NCOA3: variants seen among roughly 807,000 people sequenced by gnomAD.
NCOA3 encodes nuclear receptor coactivator 3.
NCOA3 carries 51 observed loss-of-function variants against 158.8 expected under a neutral mutation model. The observed-to-expected ratio is 0.32, with a 90% CI of 0.26 to 0.41. The LOEUF (loss-of-function observed/expected upper bound fraction) is 0.41, where lower values mean the gene tolerates loss of function less well. Ranked by LOEUF, NCOA3 falls within the 10% of genes least tolerant of loss-of-function variation. The probability of loss-of-function intolerance (pLI) is 1.00; values close to 1 mark genes in which losing one functional copy is unlikely to be tolerated. For synonymous variants in NCOA3, 537 were observed against 592.4 expected (o/e 0.91, Z 1.36); for missense variants, 1,510 against 1,746.6 (o/e 0.86, Z 2.41).
rs72662715 is a variant in NCOA3 at position 47,574,340 on chromosome 20, G to C, written c.-98-8843G>C. Among the ~76,000 whole-genome samples the C allele has an allele frequency of 3.8e-3, 560 of 148,770 alleles. 5 individuals are homozygous for C. Among genetic ancestry groups the C allele is most frequent in the African/African-American group, 0.013 (532 of 40,380 alleles). Reference sequence around the variant, plus strand: ...CGTGTAGATTTCCTGACTATACCTGGTATTTTATCAATGAATTGAAATGTG... The same window carrying C: ...CGTGTAGATTTCCTGACTATACCTGCTATTTTATCAATGAATTGAAATGTG... On this transcript the variant is annotated intron_variant, in intron 1 of 22. Coordinates refer to ENST00000371998, the MANE Select transcript of NCOA3 (RefSeq NM_181659.3).
At chr20:47,612,943 C>T (rs1191138030) in intron 2 of NCOA3, among the ~76,000 whole-genome samples, 2 of 152,126 alleles carry the variant, frequency 1.3e-5, no homozygotes, top group Non-Finnish European at 2.9e-5. Flanking sequence ...CCTGAGTTGG[C>T]TAATTGGTAT....
At chr20:47,647,993 C>T (rs2086719861) in intron 18 of NCOA3, among the ~76,000 whole-genome samples, 1 of 149,526 alleles carries the variant, frequency 6.7e-6, no homozygotes, top group Non-Finnish European at 1.5e-5. Context: ...TGGCTTACTG[C>T]AACCTCCACC....
At chr20:47,596,244 A>G (rs78628727) in intron 2 of NCOA3, among the ~76,000 whole-genome samples, 322 of 152,318 alleles carry the variant, frequency 2.1e-3, no homozygotes, top group Non-Finnish European at 3.6e-3. Flanking sequence ...GTCCTTGAAC[A>G]ATGTTTAGTT....
chr20:47,612,105 G>A lies in NCOA3; in HGVS notation c.-19-10124G>A, dbSNP rs184179766. ...GCCTCCCAAAGTGTTGAGATTACAA[G>A]TGTGAGCCACCACACCCAGCCAAAT... On this transcript the variant is annotated intron_variant, in intron 2 of 22. Transcript: ENST00000371998. Among the ~76,000 whole-genome samples, 222 of 152,326 alleles carry A rather than the reference G, an allele frequency of 1.5e-3. 2 individuals are homozygous for A. Among genetic ancestry groups the A allele is most frequent in the Non-Finnish European group, 1.9e-4 (13 of 68,034 alleles).
chr20:47,603,829 T>C (rs1006623810), intron 2 of NCOA3, among the ~76,000 whole-genome samples: 2 of 152,176 alleles, frequency 1.3e-5, no homozygotes, highest in African/African-American at 4.8e-5. Context: ...GTTTGTCTCC[T>C]TGTGGAGCCG....
chr20:47,579,776 T>C (rs1012081334), intron 1 of NCOA3, among the ~76,000 whole-genome samples: 24 of 152,212 alleles, frequency 1.6e-4, no homozygotes, highest in African/African-American at 5.8e-4. Flanking sequence ...AGCTGAACAC[T>C]AAGCACCAAG....
At chr20:47,589,843 C>T (rs1360171834) in intron 2 of NCOA3, among the ~76,000 whole-genome samples, 1 of 152,094 alleles carries the variant, frequency 6.6e-6, no homozygotes, top group African/African-American at 2.4e-5. Context: ...ACTAAGTGAC[C>T]TTCCATCTGT....
At chr20:47,544,314 T>A (rs2084792195) in intron 1 of NCOA3, among the ~76,000 whole-genome samples, 1 of 137,876 alleles carries the variant, frequency 7.3e-6, no homozygotes. Flanking sequence ...TATTTAATAC[T>A]ACTTTTTTTT....
chr20:47,626,946 AG>A (rs2086331886), intron 5 of NCOA3, 55 bp from the exon 6 acceptor site: 1 of 1,413,920 alleles, frequency 7.1e-7, no homozygotes, highest in Non-Finnish European at 9.7e-7. Flanking sequence ...TAAGAATTAG[AG>A]GGAGGAGGAT....
chr20:47,535,125 A>G (rs775519234), intron 1 of NCOA3, among the ~76,000 whole-genome samples: 6 of 152,088 alleles, frequency 3.9e-5, no homozygotes, highest in Non-Finnish European at 5.9e-5. Flanking sequence ...CAGTGGCACA[A>G]TCATGGCTCA....
intron 12 of NCOA3, 136 bp downstream of exon 12, chr20:47,636,898 T>C (rs535654385): frequency 1.2e-6 from 1 of 800,586 alleles, no homozygotes; most frequent in East Asian, 2.7e-5. Context: ...ATAATTATTT[T>C]GGATGTCAGT....
chr20:47,622,168 CT>C, intron 2 of NCOA3, 60 bp from the exon 3 acceptor site: 1 of 862,158 alleles, frequency 1.2e-6, no homozygotes, highest in Non-Finnish European at 1.9e-6. Flanking sequence ...CATATAACAC[CT>C]TCATAGAGTC....
chr20:47,526,888 C>T (rs2084463636), intron 1 of NCOA3, among the ~76,000 whole-genome samples: 1 of 152,204 alleles, frequency 6.6e-6, no homozygotes, highest in Admixed American at 6.5e-5. Context: ...GGTGATCCAC[C>T]TGCCTCGGCC....
chr20:47,633,698 T>A, intron 9 of NCOA3, 62 bp downstream of exon 9: 1 of 1,549,146 alleles, frequency 6.5e-7, no homozygotes, highest in Non-Finnish European at 8.8e-7. Context: ...GGCCTTGCTA[T>A]CTTGCCCAGG....
intron 1 of NCOA3, among the ~76,000 whole-genome samples, chr20:47,560,677 C>CTA (rs1282850434): frequency 6.6e-6 from 1 of 152,112 alleles, no homozygotes; most frequent in Admixed American, 6.5e-5. Flanking sequence ...TGCTTATTTG[C>CTA]TATATGTGTA....
chr20:47,598,246 C>CA (rs71183268), intron 2 of NCOA3, among the ~76,000 whole-genome samples: 33,300 of 84,274 alleles, frequency 0.4, 6,145 homozygotes, highest in Middle Eastern at 0.51. Flanking sequence ...GACTCTGTCT[C>CA]AAAAAAAAAA....
chr20:47,635,052 C>T (rs1288122039), intron 10 of NCOA3, among the ~76,000 whole-genome samples: 2 of 151,676 alleles, frequency 1.3e-5, no homozygotes, highest in Non-Finnish European at 2.9e-5. Context: ...CCGCAGCCTC[C>T]TGAATAGCTA....
In NCOA3 at chr20:47,638,997, G is replaced by A. The variant is rs764725383; in HGVS notation, c.2513-11G>A. The A allele has an allele frequency of 1.3e-6, 2 of 1,574,564 alleles. No homozygotes were observed. Among genetic ancestry groups the A allele is most frequent in the Non-Finnish European group, 1.7e-6 (2 of 1,158,844 alleles). ...TCACGAAGAAATGTTTTTGTATTGT[G>A]TTTTCAACAGGTTTGAAAAGTTCAC... On this transcript the variant is annotated splice_polypyrimidine_tract_variant and intron_variant, in intron 13 of 22. Transcript: ENST00000371998.
Position 47,654,252 on chromosome 20 carries a change from A to G in NCOA3, c.*835A>G, listed in dbSNP as rs1252012997. On this transcript the variant is annotated 3_prime_UTR_variant, in exon 23 of 23. Coordinates refer to ENST00000371998, the MANE Select transcript of NCOA3 (RefSeq NM_181659.3). The stretch of plus-strand genomic sequence containing the variant: ...GACAAGAACTATGATTTTTTTTTTT[A>G]AAGTACTGGTGTCACCCTTTGCCTA... The G allele has an allele frequency of 6.6e-6, 1 of 152,048 alleles. No homozygotes were observed. The highest frequency in any genetic ancestry group is 1.5e-5 in the Non-Finnish European group (1 of 67,944). The allele number at this position is 152,048 out of a possible 1,614,324, so 9.4% of individuals were successfully genotyped here. A position where few individuals can be genotyped will look rare whatever the true frequency, so the allele number is the denominator to read the frequency against.
Sources: allele counts gnomAD v4.1 joint callset (sites outside exome capture counted in the v4.1 genomes callset), GRCh38; gene constraint gnomAD v4.1.1; transcripts MANE v1.5; gene names NCBI Gene and HGNC (gene_info 2026-07-23, HGNC 2026-07-21).